GBE1: variants seen among roughly 807,000 people sequenced by gnomAD.
GBE1 encodes the protein 1,4-alpha-glucan-branching enzyme.
A neutral mutation model predicts 88.8 loss-of-function variants in GBE1; 70 were observed. The observed-to-expected ratio is 0.79, with a 90% CI of 0.65 to 0.96. The LOEUF (loss-of-function observed/expected upper bound fraction) is 0.96. Ranked by LOEUF, GBE1 falls within the 40% of genes least tolerant of loss-of-function variation. The pLI, the probability that GBE1 is intolerant of heterozygous loss-of-function variation, is 0.00. For missense variants in GBE1, 872 were observed against 871.0 expected (o/e 1.00, Z -0.01); for synonymous variants, 284 against 300.1 (o/e 0.95, Z 0.56).
intron 2 of GBE1, among the ~76,000 whole-genome samples, chr3:81,679,971 A>G (rs980182989): frequency 6.6e-6 from 1 of 152,196 alleles, no homozygotes; most frequent in Non-Finnish European, 1.5e-5. Context: ...AAATGCCTCT[A>G]TCTGGCCGCG....
intron 1 of GBE1, among the ~76,000 whole-genome samples, chr3:81,715,250 G>A (rs934192688): frequency 9.2e-5 from 14 of 152,124 alleles, no homozygotes; most frequent in Admixed American, 3.3e-4. Flanking sequence ...CAGCTCAGGT[G>A]TCTATCAAGA....
chr3:81,741,597 G>A (rs538822638), intron 1 of GBE1, among the ~76,000 whole-genome samples: 53 of 151,930 alleles, frequency 3.5e-4, no homozygotes, highest in African/African-American at 1.2e-3. Flanking sequence ...TCCCATGTTT[G>A]TACACAGAAA....
At chr3:81,601,458 A>G (rs1292963396) in intron 7 of GBE1, among the ~76,000 whole-genome samples, 1 of 152,110 alleles carries the variant, frequency 6.6e-6, no homozygotes, top group Non-Finnish European at 1.5e-5. Flanking sequence ...AAACCCTGTA[A>G]TTCCCACATA....
intron 2 of GBE1, among the ~76,000 whole-genome samples, chr3:81,697,481 T>C (rs1705616132): frequency 6.6e-6 from 1 of 151,986 alleles, no homozygotes; most frequent in East Asian, 1.9e-4. Context: ...TTTGTATTTT[T>C]AGTGGAGACA....
At chr3:81,670,679 C>G (rs188558607) in intron 3 of GBE1, among the ~76,000 whole-genome samples, 159 bp downstream of exon 3, 1 of 152,288 alleles carries the variant, frequency 6.6e-6, no homozygotes, top group East Asian at 1.9e-4. Flanking sequence ...CAGTTCAACT[C>G]AAGACTTCCT....
chr3:81,696,597 C>A (rs1394090096), intron 2 of GBE1, among the ~76,000 whole-genome samples: 5 of 152,082 alleles, frequency 3.3e-5, no homozygotes, highest in African/African-American at 1.2e-4. Flanking sequence ...ATGAATAATG[C>A]ACTTTGTGTA....
intron 1 of GBE1, among the ~76,000 whole-genome samples, chr3:81,751,732 C>T (rs1168899961): frequency 6.6e-6 from 1 of 152,176 alleles, no homozygotes; most frequent in Non-Finnish European, 1.5e-5. Flanking sequence ...TAATTCATTG[C>T]TTGTGGGATA....
At chr3:81,668,040 A>G (rs1705137585) in intron 3 of GBE1, among the ~76,000 whole-genome samples, 1 of 152,240 alleles carries the variant, frequency 6.6e-6, no homozygotes, top group Non-Finnish European at 1.5e-5. Flanking sequence ...CTATGCAGCC[A>G]TAAAAAGAAA....
At chr3:81,542,026 T>C (rs1360048428) in intron 12 of GBE1, among the ~76,000 whole-genome samples, 1 of 152,100 alleles carries the variant, frequency 6.6e-6, no homozygotes, top group Non-Finnish European at 1.5e-5. Flanking sequence ...TTTCTTTTGA[T>C]AAACATTGTA....
rs796897811 is a variant in GBE1 at position 81,657,134 on chromosome 3, C to CAAA, written c.430-7216_430-7214dup. Among the ~76,000 whole-genome samples the CAAA allele has an allele frequency of 1.9e-3, 156 of 81,844 alleles. 2 individuals are homozygous for CAAA. Among genetic ancestry groups the CAAA allele is most frequent in the African/African-American group, 6.0e-3 (145 of 24,238 alleles). 53.7% of individuals were successfully genotyped at this position (81,844 alleles called of 152,430 possible). On this transcript the variant is annotated intron_variant, in intron 3 of 15. Coordinates refer to ENST00000429644, the MANE Select transcript of GBE1 (RefSeq NM_000158.4). ...CCACGCCACTGCACTCCAGCCGTCTCAAAAAAAAAAAAAACAAAACAAAAA... is the reference window on the plus strand; with the variant it reads ...CCACGCCACTGCACTCCAGCCGTCTCAAAAAAAAAAAAAAAAACAAAACAAAAA...
chr3:81,498,998 C>T (rs1702550678), intron 15 of GBE1, 112 bp downstream of exon 15: 2 of 683,730 alleles, frequency 2.9e-6, no homozygotes, highest in Non-Finnish European at 5.1e-6. Context: ...CCCTTTCCTT[C>T]ATGCTTTTTT....
intron 1 of GBE1, among the ~76,000 whole-genome samples, chr3:81,750,583 A>ATATG (rs1706493622): frequency 3.4e-5 from 2 of 58,970 alleles, no homozygotes; most frequent in East Asian, 1.4e-3. Flanking sequence ...ATACGTATAT[A>ATATG]TATACGTATA....
intron 1 of GBE1, among the ~76,000 whole-genome samples, chr3:81,739,447 T>C (rs1201433521): frequency 6.6e-6 from 1 of 152,148 alleles, no homozygotes; most frequent in Non-Finnish European, 1.5e-5. Context: ...TATACTACAA[T>C]TTATCACTGG....
intron 12 of GBE1, among the ~76,000 whole-genome samples, chr3:81,553,003 A>G (rs191641267): frequency 3.3e-5 from 5 of 152,338 alleles, no homozygotes; most frequent in African/African-American, 1.2e-4. Context: ...CAAGACTAGT[A>G]TTCGAACTTA....
At chr3:81,510,907 T>TCA (rs200209527) in intron 14 of GBE1, among the ~76,000 whole-genome samples, 2,948 of 151,996 alleles carry the variant, frequency 0.019, 101 homozygotes, top group African/African-American at 0.066. Context: ...GTAAGCATTC[T>TCA]CACACACACA....
intron 12 of GBE1, among the ~76,000 whole-genome samples, chr3:81,572,040 C>G (rs1207076312): frequency 6.6e-6 from 1 of 152,138 alleles, no homozygotes; most frequent in East Asian, 1.9e-4. Context: ...GTGGAGATAA[C>G]AGAATCATGG....
intron 2 of GBE1, among the ~76,000 whole-genome samples, chr3:81,686,897 T>C (rs539238182): frequency 2.0e-5 from 3 of 152,218 alleles, no homozygotes; most frequent in Non-Finnish European, 4.4e-5. Flanking sequence ...TGTGTCTATA[T>C]AGTATAAAAT....
intron 6 of GBE1, 125 bp downstream of exon 6, chr3:81,646,267 C>T: frequency 1.5e-6 from 1 of 650,152 alleles, no homozygotes; most frequent in Non-Finnish European, 2.7e-6. Flanking sequence ...AGAAAATGTT[C>T]AGCTTCTATT....
chr3:81,538,381 C>A (rs1703102253), intron 12 of GBE1, among the ~76,000 whole-genome samples: 1 of 151,896 alleles, frequency 6.6e-6, no homozygotes, highest in Non-Finnish European at 1.5e-5. Context: ...AAAATATCAT[C>A]CAAATAAATA....
Sources: gnomAD v4.1 joint callset for allele counts (sites outside exome capture counted in the v4.1 genomes callset) on GRCh38, gnomAD v4.1.1 for gene constraint, MANE v1.5 for transcripts, NCBI Gene and HGNC (gene_info 2026-07-23, HGNC 2026-07-21) for gene names.